Variants in TNFRSF8 observed in about 807,000 individuals in gnomAD.
TNFRSF8 encodes the protein TNF receptor superfamily member 8.
In TNFRSF8, 26 loss-of-function variants were observed where a neutral mutation model predicts 70.8. The ratio of observed to expected loss-of-function variants is 0.37; its 90% confidence interval spans 0.27 to 0.51. The LOEUF (loss-of-function observed/expected upper bound fraction) is 0.51, where lower values mean the gene tolerates loss of function less well. TNFRSF8 is among the 20% of genes least tolerant of loss of function. The pLI is 0.94. For synonymous variants in TNFRSF8, 356 were observed against 339.2 expected (o/e 1.05, Z -0.54); for missense variants, 720 against 807.9 (o/e 0.89, Z 1.32).
chr1:12,125,573 C>A (rs1266432991), intron 10 of TNFRSF8, among the ~76,000 whole-genome samples: 2 of 152,208 alleles, frequency 1.3e-5, no homozygotes, highest in Admixed American at 6.5e-5. Context: ...CTCTTCCTTC[C>A]CCTCACTGCT....
Position 12,104,270 on chromosome 1 carries a change from C to T in TNFRSF8, c.269-109C>T, listed in dbSNP as rs1447035252. On this transcript the variant is annotated intron_variant, in intron 3 of 14. Transcript: ENST00000263932. ...GTCACCAGGGGGTTGAGCTGGGAGG[C>T]GGAGGCTGCGTTGCGGACTGCACCT... is the stretch of plus-strand genomic sequence containing the variant. 8.4e-6 allele frequency: 10 copies of T among 1,194,538 alleles called. No homozygotes were observed. The East Asian group carries it at 9.5e-5, about 11-fold the overall frequency. The allele number at this position is 1,194,538 out of a possible 1,614,324, so 74.0% of individuals were successfully genotyped here.
chr1:12,064,551 G>C (rs1640705156), intron 1 of TNFRSF8, among the ~76,000 whole-genome samples: 1 of 152,102 alleles, frequency 6.6e-6, no homozygotes, highest in South Asian at 2.1e-4. Context: ...CAGGCTGTTA[G>C]TCCAGCGGTG....
At position 12,138,798 on chromosome 1, in the gene TNFRSF8, T is replaced by C. The variant is rs1642202043; in HGVS notation, c.1543+362T>C. On this transcript the variant is annotated intron_variant, in intron 14 of 14. Coordinates refer to ENST00000263932, the MANE Select transcript of TNFRSF8 (RefSeq NM_001243.5). The surrounding 1 kb of genome is among the most constrained non-coding windows in gnomAD (Gnocchi z 5.7). ...TTCCGGGCACTGTGTAGGTGCCATC[T>C]CTTCATCTCTGATGGTCTCACCACC... Among the ~76,000 whole-genome samples the C allele has an allele frequency of 1.3e-5, 2 of 152,194 alleles. No homozygotes were observed. Among genetic ancestry groups the C allele is most frequent in the Non-Finnish European group, 2.9e-5 (2 of 68,020 alleles).
chr1:12,074,392 A>G (rs1640901529), intron 1 of TNFRSF8, among the ~76,000 whole-genome samples: 1 of 151,432 alleles, frequency 6.6e-6, no homozygotes, highest in Non-Finnish European at 1.5e-5. Flanking sequence ...AGATTCTGCT[A>G]CCTCAGCCTC....
At chr1:12,089,186 C>T (rs1641204479) in intron 2 of TNFRSF8, among the ~76,000 whole-genome samples, 2 of 152,182 alleles carry the variant, frequency 1.3e-5, no homozygotes, top group African/African-American at 4.8e-5. Context: ...GCTCTGGGCT[C>T]TTGGTGCCTC....
At chr1:12,074,840 G>A (rs2100951330) in intron 1 of TNFRSF8, among the ~76,000 whole-genome samples, 1 of 151,832 alleles carries the variant, frequency 6.6e-6, no homozygotes, top group East Asian at 2.0e-4. Context: ...CCAGGCTGGA[G>A]TGCAGTGTTG....
At chr1:12,115,833 C>A in intron 8 of TNFRSF8, 104 bp downstream of exon 8, 2 of 1,302,224 alleles carry the variant, frequency 1.5e-6, no homozygotes, top group Non-Finnish European at 1.1e-6. Flanking sequence ...ATGACCTACA[C>A]CCTCGGCTGT....
At chr1:12,137,569 G>GT (rs751901433) in intron 13 of TNFRSF8, among the ~76,000 whole-genome samples, 221 of 114,770 alleles carry the variant, frequency 1.9e-3, no homozygotes, top group South Asian at 3.5e-3. Flanking sequence ...TTTTTTTTTT[G>GT]TTTTTTTTTT....
In TNFRSF8 at chr1:12,110,070, C is replaced by A. The variant is rs774218959; in HGVS notation, c.542C>A (p.Pro181Gln). The stretch of plus-strand genomic sequence containing the variant: ...ACCATCCCCCAGGCCAAGCCCACCC[C>A]GGTGTCCCCAGCAACCTCCAGTGCC... ...SGTIPQAKPT[P>Q]VSPATSSAST... The change falls in exon 6 of 15, where the codon CCG (proline) becomes CAG (glutamine). Residue 181 changes from proline (P) to glutamine (Q), a missense_variant. Pro to Gln is a moderately conservative substitution (Grantham distance 76, BLOSUM62 -1). Coordinates refer to ENST00000263932, the MANE Select transcript of TNFRSF8 (RefSeq NM_001243.5). The surrounding 1 kb of genome is among the most constrained non-coding windows in gnomAD (Gnocchi z 4.0). 1 of 1,613,222 alleles carries A rather than the reference C, an allele frequency of 6.2e-7. No homozygotes were observed.
Position 12,063,349 on chromosome 1 carries a change from G to A in TNFRSF8, c.-250G>A, listed in dbSNP as rs1640679602. The A allele has an allele frequency of 2.6e-6, 1 of 387,224 alleles. No individual in the cohort carries two copies. Among genetic ancestry groups the A allele is most frequent in the East Asian group, 3.7e-5 (1 of 27,134 alleles). 24.0% of individuals were successfully genotyped at this position (387,224 alleles called of 1,614,324 possible). A position where few individuals can be genotyped will look rare whatever the true frequency, so the allele number is the denominator to read the frequency against. ...TTGCCCCCTTTTTTCTTCGCTGCTT[G>A]TAGCTAAGTGTTCCTGGAACCAATT... On this transcript the variant is annotated 5_prime_UTR_variant, in exon 1 of 15. Coordinates refer to ENST00000263932, the MANE Select transcript of TNFRSF8 (RefSeq NM_001243.5). This position sits in a 1 kb window ranked among gnomAD's most constrained non-coding sequence, Gnocchi z 7.2.
intron 10 of TNFRSF8, among the ~76,000 whole-genome samples, chr1:12,124,120 T>G (rs1224307454): frequency 6.6e-6 from 1 of 152,160 alleles, no homozygotes; most frequent in Non-Finnish European, 1.5e-5. Flanking sequence ...TTCTCCTGTC[T>G]CAGCCTCCCG....
At chr1:12,103,372 T>G (rs932600486) in intron 3 of TNFRSF8, among the ~76,000 whole-genome samples, 4 of 151,912 alleles carry the variant, frequency 2.6e-5, no homozygotes, top group Non-Finnish European at 4.4e-5. Context: ...AAAAAATTAA[T>G]AAACTATTTC....
chr1:12,127,402 CAGGCACTGGTCCT>C (rs1246234737), intron 12 of TNFRSF8, among the ~76,000 whole-genome samples: 3 of 152,246 alleles, frequency 2.0e-5, no homozygotes, highest in Admixed American at 6.5e-5. Context: ...CAGCCAGCCT[CAGGCACTGGTCCT>C]AGGGGTTTTG....
intron 4 of TNFRSF8, among the ~76,000 whole-genome samples, chr1:12,104,890 TTTCAGG>T (rs988898609): frequency 2.6e-5 from 4 of 152,168 alleles, no homozygotes; most frequent in African/African-American, 9.6e-5. Flanking sequence ...GGCTTCCCCC[TTTCAGG>T]TTCAGGGCAT....
chr1:12,117,797 A>G (rs764508307), intron 8 of TNFRSF8, among the ~76,000 whole-genome samples: 3 of 152,298 alleles, frequency 2.0e-5, no homozygotes, highest in Middle Eastern at 3.4e-3. Flanking sequence ...CCCAAATAGC[A>G]TACATTGTAC....
chr1:12,117,290 C>T (rs1165572206), intron 8 of TNFRSF8, among the ~76,000 whole-genome samples: 1 of 152,048 alleles, frequency 6.6e-6, no homozygotes, highest in East Asian at 1.9e-4. Context: ...GCCATGTTGG[C>T]CAGGCTGGTC....
chr1:12,074,611 A>G (rs1640904924), intron 1 of TNFRSF8, among the ~76,000 whole-genome samples: 1 of 152,130 alleles, frequency 6.6e-6, no homozygotes, highest in Non-Finnish European at 1.5e-5. Context: ...GGCAGTTCTG[A>G]GAAAAAAAGG....
At chr1:12,074,281 T>TCTC (rs1248052882) in intron 1 of TNFRSF8, among the ~76,000 whole-genome samples, 1 of 151,132 alleles carries the variant, frequency 6.6e-6, no homozygotes, top group African/African-American at 2.4e-5. Context: ...ACCTTCTTTC[T>TCTC]TTCTTTTTTT....
intron 8 of TNFRSF8, among the ~76,000 whole-genome samples, chr1:12,117,562 G>A (rs542011869): frequency 9.2e-5 from 14 of 152,196 alleles, no homozygotes; most frequent in South Asian, 2.1e-4. Context: ...CACACTCTCC[G>A]CCCATGGGCC....
Sources: gnomAD v4.1 joint callset for allele counts (sites outside exome capture counted in the v4.1 genomes callset) on GRCh38, gnomAD v4.1.1 for gene constraint, Gnocchi (gnomAD v3.1) non-coding constraint, MANE v1.5 for transcripts, NCBI Gene and HGNC (gene_info 2026-07-23, HGNC 2026-07-21) for gene names.